GRM5: variants seen among roughly 807,000 people sequenced by gnomAD.
GRM5 encodes the protein glutamate metabotropic receptor 5, also known as metabotropic glutamate receptor 5.
In GRM5, 19 loss-of-function variants were observed where a neutral mutation model predicts 83.1. The observed-to-expected ratio is 0.23, with a 90% confidence interval of 0.16 to 0.34. The LOEUF is 0.34. GRM5 is among the 10% of genes least tolerant of loss of function. GRM5 has a pLI of 1.00. For synonymous variants in GRM5, 675 were observed against 633.6 expected (o/e 1.07, Z -0.98); for missense variants, 1,160 against 1,588.3 (o/e 0.73, Z 4.58).
chr11:88,784,874 C>T (rs1943036366), intron 3 of GRM5, among the ~76,000 whole-genome samples: 1 of 151,998 alleles, frequency 6.6e-6, no homozygotes, highest in Non-Finnish European at 1.5e-5. Flanking sequence ...ACTGTTCTAT[C>T]CATCACATAA....
At chr11:88,890,164 T>C (rs1048564820) in intron 2 of GRM5, among the ~76,000 whole-genome samples, 10 of 151,860 alleles carry the variant, frequency 6.6e-5, no homozygotes, top group African/African-American at 2.2e-4. Flanking sequence ...GATACTCCCA[T>C]GGGGGATAAA....
Position 88,917,915 on chromosome 11 carries a change from T to C in GRM5, c.662-67760A>G, listed in dbSNP as rs980407172. ...AAGAGAGATTGGGGTAGAAAGCATA[T>C]TGAAAAAAATAACAGAGAACTTTCC... On this transcript the variant is annotated intron_variant, in intron 2 of 9. Transcript: ENST00000305447. Among the ~76,000 whole-genome samples the C allele has an allele frequency of 4.6e-5, 7 of 152,080 alleles. No homozygotes were observed. The South Asian group carries it at 1.0e-3, about 23-fold the overall frequency.
At chr11:88,665,828 C>A (rs539091232) in intron 3 of GRM5, among the ~76,000 whole-genome samples, 12 of 139,598 alleles carry the variant, frequency 8.6e-5, no homozygotes, top group African/African-American at 2.9e-4. Context: ...ATCTAGTCAG[C>A]CAGTACTGAG....
At chr11:88,981,455 G>T (rs2135023903) in intron 2 of GRM5, among the ~76,000 whole-genome samples, 1 of 152,142 alleles carries the variant, frequency 6.6e-6, no homozygotes, top group Admixed American at 6.5e-5. Flanking sequence ...TCACATGGAA[G>T]CTTAATCTAG....
At chr11:88,510,666 G>A (rs992671664) in intron 9 of GRM5, among the ~76,000 whole-genome samples, 6 of 152,248 alleles carry the variant, frequency 3.9e-5, no homozygotes, top group Admixed American at 1.3e-4. Flanking sequence ...GTAGGCATGC[G>A]CCACCACGCC....
chr11:89,029,964 A>G (rs906108717), intron 2 of GRM5, among the ~76,000 whole-genome samples: 13 of 152,292 alleles, frequency 8.5e-5, no homozygotes, highest in African/African-American at 2.9e-4. Flanking sequence ...TACTACTGTT[A>G]TATTGTTATA....
At chr11:88,756,090 G>A (rs1022247366) in intron 3 of GRM5, among the ~76,000 whole-genome samples, 1 of 152,094 alleles carries the variant, frequency 6.6e-6, no homozygotes, top group East Asian at 1.9e-4. Context: ...TCTAGGGATT[G>A]GTGATCCATA....
chr11:88,561,051 G>A (rs1942742796), intron 8 of GRM5, among the ~76,000 whole-genome samples: 1 of 152,056 alleles, frequency 6.6e-6, no homozygotes, highest in South Asian at 2.1e-4. Flanking sequence ...AGGAAAAGGT[G>A]GAGGACTCTA....
At chr11:89,038,083 T>G (rs530844108) in intron 2 of GRM5, among the ~76,000 whole-genome samples, 1 of 152,234 alleles carries the variant, frequency 6.6e-6, no homozygotes, top group East Asian at 1.9e-4. Context: ...ACAAATAACT[T>G]ATGAGTTATC....
At chr11:88,676,890 T>C (rs1204873184) in intron 3 of GRM5, among the ~76,000 whole-genome samples, 1 of 152,106 alleles carries the variant, frequency 6.6e-6, no homozygotes, top group African/African-American at 2.4e-5. Context: ...CAAGAAAAAG[T>C]CATTTTGTTG....
chr11:88,805,086 C>T (rs10831462), intron 3 of GRM5, among the ~76,000 whole-genome samples: 26,075 of 152,130 alleles, frequency 0.17, 3,752 homozygotes, highest in African/African-American at 0.37. Context: ...GCAACCCTAG[C>T]AGGCAGTTTG....
chr11:88,635,736 A>G (rs763179074), intron 4 of GRM5, among the ~76,000 whole-genome samples: 2 of 152,070 alleles, frequency 1.3e-5, no homozygotes, highest in Non-Finnish European at 2.9e-5. Context: ...ATTTGGGGTC[A>G]TACCCCCCAA....
rs187606599 is a variant in GRM5 at position 88,555,052 on chromosome 11, C to T, written c.2630+12001G>A. Among the ~76,000 whole-genome samples, 8 of 152,248 alleles carry T rather than the reference C, an allele frequency of 5.3e-5. No individual in the cohort carries two copies. In the East Asian group the frequency reaches 1.4e-3, roughly 26 times the overall value. ...CTGTGGAAAGAACATGCTGTTTGGA[C>T]TCAGACAACCTTGGATGTCAGGACC... On this transcript the variant is annotated intron_variant, in intron 8 of 9. Transcript: ENST00000305447.
intron 3 of GRM5, among the ~76,000 whole-genome samples, chr11:88,667,447 G>C (rs1191465798): frequency 6.6e-6 from 1 of 151,942 alleles, no homozygotes; most frequent in African/African-American, 2.4e-5. Flanking sequence ...TTCACACTCA[G>C]GTTTATCATA....
chr11:88,865,824 C>A (rs1279393030), intron 2 of GRM5, among the ~76,000 whole-genome samples: 5 of 152,080 alleles, frequency 3.3e-5, no homozygotes, highest in Non-Finnish European at 7.4e-5. Context: ...CGTCACTGGT[C>A]GTTAGGGTAA....
chr11:88,567,244 G>A lies in GRM5; in HGVS notation c.2439C>T (p.Ala813=), dbSNP rs1277299025. 1 of 1,614,102 alleles carries A rather than the reference G, an allele frequency of 6.2e-7. No individual in the cohort carries two copies. Residue 813 remains alanine, a synonymous_variant, in exon 8 of 10, where the codon GCC becomes GCT. Transcript: ENST00000305447. This position sits in a 1 kb window ranked among gnomAD's most constrained non-coding sequence, Gnocchi z 7.3. ...CCTTCGGCACAAACATGCAGCCTAG[G>A]GCCACTGTGGCACTGAGGCTGACCG... is the stretch of plus-strand genomic sequence containing the variant. ...CFSVSLSATV[A]LGCMFVPKVY... is the part of the protein sequence containing the mutation.
chr11:88,987,950 G>T lies in GRM5; in HGVS notation c.661+59262C>A, dbSNP rs7102141. Reference sequence around the variant, plus strand: ...AAACTGGAAACTCTAAAAAGCAGAGGGCCTCTCCTCCTCCAAAGGAATGCA... The same window carrying T: ...AAACTGGAAACTCTAAAAAGCAGAGTGCCTCTCCTCCTCCAAAGGAATGCA... On this transcript the variant is annotated intron_variant, in intron 2 of 9. Transcript: ENST00000305447. 9.0e-3 allele frequency among the ~76,000 whole-genome samples: 1,333 copies of T among 148,620 alleles called. 20 individuals are homozygous for T. The highest frequency in any genetic ancestry group is 0.025 in the African/African-American group (996 of 39,358).
intron 2 of GRM5, among the ~76,000 whole-genome samples, chr11:89,042,140 G>GT (rs1338456667): frequency 6.6e-6 from 1 of 152,048 alleles, no homozygotes; most frequent in African/African-American, 2.4e-5. Context: ...CACCTCCCAG[G>GT]TTCAAGCAAT....
intron 3 of GRM5, among the ~76,000 whole-genome samples, chr11:88,726,682 A>C (rs893831296): frequency 5.3e-5 from 8 of 152,236 alleles, no homozygotes; most frequent in Admixed American, 4.6e-4. Context: ...TCAGACTAAC[A>C]GTGGATCTCT....
Sources: allele counts gnomAD v4.1 joint callset (sites outside exome capture counted in the v4.1 genomes callset), GRCh38; gene constraint gnomAD v4.1.1; non-coding constraint Gnocchi (gnomAD v3.1); transcripts MANE v1.5; gene names NCBI Gene and HGNC (gene_info 2026-07-23, HGNC 2026-07-21).